TRPM3: variants seen among roughly 807,000 people sequenced by gnomAD.
The protein encoded by TRPM3 is long transient receptor potential channel 3.
In TRPM3, 77 loss-of-function variants were observed where a neutral mutation model predicts 181.2. The ratio of observed to expected loss-of-function variants is 0.42; its 90% CI spans 0.35 to 0.51. The LOEUF (loss-of-function observed/expected upper bound fraction) is 0.51, where lower values mean the gene tolerates loss of function less well. TRPM3 is among the 20% of genes least tolerant of loss of function. TRPM3 has a pLI of 0.01. For missense variants in TRPM3, 1,759 were observed against 2,196.7 expected, an observed-to-expected ratio of 0.80 and a Z score of 3.98; for synonymous variants, 745 against 796.4, an observed-to-expected ratio of 0.94 and a Z score of 1.09.
chr9:70,566,556 T>A (rs2050645399), intron 22 of TRPM3, among the ~76,000 whole-genome samples: 1 of 152,210 alleles, frequency 6.6e-6, no homozygotes, highest in South Asian at 2.1e-4. Flanking sequence ...AATCGTTTAT[T>A]GGATTTATTA....
rs2093956557 is a variant in TRPM3 at position 71,431,731 on chromosome 9, T to C, written c.183+14922A>G. 1.3e-5 allele frequency among the ~76,000 whole-genome samples: 2 copies of C among 152,200 alleles called. 1 individual carries two copies. The highest frequency in any genetic ancestry group is 4.1e-4 in the South Asian group (2 of 4,832). On this transcript the variant is annotated intron_variant, in intron 1 of 24. Coordinates refer to the TRPM3 transcript ENST00000357533. Reference sequence around the variant, plus strand: ...CTCTGAAATTTTATTTCATCTTCCATAACTTGTGCATCAAAATAAAACCCA... The same window carrying C: ...CTCTGAAATTTTATTTCATCTTCCACAACTTGTGCATCAAAATAAAACCCA...
At chr9:71,193,528 A>G (rs769061805) in intron 1 of TRPM3, among the ~76,000 whole-genome samples, 1 of 151,772 alleles carries the variant, frequency 6.6e-6, no homozygotes, top group Non-Finnish European at 1.5e-5. Flanking sequence ...TTCAATCTAA[A>G]TGACACTATC....
rs1026092396 is a variant in TRPM3, at chr9:70,903,070, C to T, written c.178-38559G>A. 5.9e-5 allele frequency among the ~76,000 whole-genome samples: 9 copies of T among 152,108 alleles called. No homozygotes were observed. In the South Asian group the frequency reaches 1.9e-3, roughly 32 times the overall value. ...TAGGCTGGCGAGGGAAAAATTACAGCCGGAACTCTTTCCCAGGAAGGAATT... is the reference window on the plus strand; with the variant it reads ...TAGGCTGGCGAGGGAAAAATTACAGTCGGAACTCTTTCCCAGGAAGGAATT... On this transcript the variant is annotated intron_variant, in intron 1 of 25. Coordinates refer to ENST00000677713, the MANE Select transcript of TRPM3 (RefSeq NM_001366145.2).
At chr9:70,974,341 C>G (rs764154000) in intron 1 of TRPM3, among the ~76,000 whole-genome samples, 1 of 112,628 alleles carries the variant, frequency 8.9e-6, no homozygotes, top group African/African-American at 3.2e-5. Context: ...AGATCGAGAC[C>G]AGCCTGGCTA....
chr9:71,136,861 G>A (rs1197662262), intron 1 of TRPM3, among the ~76,000 whole-genome samples: 1 of 152,178 alleles, frequency 6.6e-6, no homozygotes, highest in Non-Finnish European at 1.5e-5. Flanking sequence ...ACAGGAAGTA[G>A]TTTTGTACAG....
chr9:71,115,600 CTCCCTGCAGGAAGTCA>C, intron 1 of TRPM3, among the ~76,000 whole-genome samples: 1 of 152,304 alleles, frequency 6.6e-6, no homozygotes, highest in Admixed American at 6.5e-5. Context: ...AGAGTCCTGG[CTCCCTGCAGGAAGTCA>C]TCTGGCAGGA....
intron 1 of TRPM3, among the ~76,000 whole-genome samples, chr9:70,938,579 C>T (rs948918023): frequency 6.6e-6 from 1 of 152,128 alleles, no homozygotes; most frequent in Non-Finnish European, 1.5e-5. Context: ...CCCTTCTCGG[C>T]GTGAAACATT....
At chr9:70,606,649 G>GTATATATATA (rs199770909) in intron 19 of TRPM3, among the ~76,000 whole-genome samples, 4 of 77,904 alleles carry the variant, frequency 5.1e-5, no homozygotes, top group African/African-American at 7.3e-5. Context: ...GTGTGTGTGT[G>GTATATATATA]TGTATATATA....
At chr9:71,279,165 T>C (rs1387664997) in intron 1 of TRPM3, among the ~76,000 whole-genome samples, 1 of 152,096 alleles carries the variant, frequency 6.6e-6, no homozygotes, top group Non-Finnish European at 1.5e-5. Flanking sequence ...CTTTAACAGA[T>C]GGGCCTTTAC....
chr9:70,887,850 T>C (rs941872631), intron 1 of TRPM3, among the ~76,000 whole-genome samples: 1 of 152,170 alleles, frequency 6.6e-6, no homozygotes, highest in South Asian at 2.1e-4. Context: ...AGAGATACAG[T>C]CTATAAAGTA....
intron 12 of TRPM3, among the ~76,000 whole-genome samples, chr9:70,630,169 T>C (rs1442662704): frequency 1.3e-5 from 2 of 152,228 alleles, no homozygotes; most frequent in Non-Finnish European, 2.9e-5. Context: ...CAGCTCTGGG[T>C]TGGGCCATGG....
intron 1 of TRPM3, among the ~76,000 whole-genome samples, chr9:71,240,091 TA>T (rs2081578162): frequency 6.6e-6 from 1 of 152,188 alleles, no homozygotes; most frequent in Non-Finnish European, 1.5e-5. Context: ...GGCATCTAAA[TA>T]TAGCTGAGAG....
chr9:70,784,389 G>A (rs1055183152), intron 6 of TRPM3, 110 bp from the exon 7 acceptor site: 33 of 1,200,336 alleles, frequency 2.7e-5, no homozygotes, highest in African/African-American at 7.7e-5. Flanking sequence ...TACTGAGCAC[G>A]GGGGAGGTAG....
chr9:70,907,207 C>T (rs2096479214), intron 1 of TRPM3, among the ~76,000 whole-genome samples: 1 of 152,164 alleles, frequency 6.6e-6, no homozygotes. Flanking sequence ...TTACACCATC[C>T]TCTGTGGACA....
intron 1 of TRPM3, among the ~76,000 whole-genome samples, chr9:71,238,566 T>C (rs183459463): frequency 6.6e-6 from 1 of 152,284 alleles, no homozygotes; most frequent in Non-Finnish European, 1.5e-5. Context: ...AAGGAAACAG[T>C]CTTCCTGGAA....
At chr9:70,582,135 T>C (rs890283697) in intron 22 of TRPM3, among the ~76,000 whole-genome samples, 2 of 152,036 alleles carry the variant, frequency 1.3e-5, no homozygotes, top group Non-Finnish European at 2.9e-5. Context: ...TAGAATCCCC[T>C]TTGAGTCCAC....
chr9:70,875,424 T>C (rs1288399220), intron 1 of TRPM3, among the ~76,000 whole-genome samples: 1 of 151,940 alleles, frequency 6.6e-6, no homozygotes, highest in Non-Finnish European at 1.5e-5. Flanking sequence ...GAGCACACAG[T>C]TTTGTGTTTA....
At chr9:71,203,354 T>G (rs1186499015) in intron 1 of TRPM3, among the ~76,000 whole-genome samples, 13 of 152,226 alleles carry the variant, frequency 8.5e-5, no homozygotes, top group Admixed American at 8.5e-4. Flanking sequence ...AATATTAGTG[T>G]TGTCTCTTTT....
chr9:70,787,789 TTTTTATTTTTTTA>T lies in TRPM3; in HGVS notation c.974-3523_974-3511del, dbSNP rs2084198608. Among the ~76,000 whole-genome samples, 4 of 120,354 alleles carry T rather than the reference TTTTTATTTTTTTA, an allele frequency of 3.3e-5. No individual in the cohort carries two copies. The South Asian group carries it at 8.0e-4, about 24-fold the overall frequency. The allele number at this position is 120,354 out of a possible 152,430, so 79.0% of individuals were successfully genotyped here. ...TTTTTTTTTTTTTTTTTTTTTTTGCTTTTTATTTTTTTATTTTATTTTTTTAATGTTTTAAATG... is the reference window on the plus strand; with the variant it reads ...TTTTTTTTTTTTTTTTTTTTTTTGCTTTTTATTTTTTTAATGTTTTAAATG... On this transcript the variant is annotated intron_variant, in intron 6 of 25. Coordinates refer to ENST00000677713, the MANE Select transcript of TRPM3 (RefSeq NM_001366145.2).
Sources: gnomAD v4.1 joint callset for allele counts (sites outside exome capture counted in the v4.1 genomes callset) on GRCh38, gnomAD v4.1.1 for gene constraint, MANE v1.5 for transcripts, NCBI Gene and HGNC (gene_info 2026-07-23, HGNC 2026-07-21) for gene names.